SYNE2: variants seen among roughly 807,000 people sequenced by gnomAD.
The protein encoded by SYNE2 is spectrin repeat containing nuclear envelope protein 2, also known as nesprin-2.
In SYNE2, 431 loss-of-function variants were observed where a neutral mutation model predicts 856.3. The observed-to-expected ratio is 0.50, with a 90% CI of 0.47 to 0.55. The LOEUF is 0.55. Ranked by LOEUF, SYNE2 falls within the 20% of genes least tolerant of loss-of-function variation. The pLI is 0.00. For missense variants in SYNE2, 8,129 were observed against 8,023.2 expected, an observed-to-expected ratio of 1.01 and a Z score of -0.50; for synonymous variants, 2,923 against 2,872.3, an observed-to-expected ratio of 1.02 and a Z score of -0.56.
chr14:63,993,767 AG>A, intron 21 of SYNE2, 67 bp from the exon 22 acceptor site: 1 of 1,428,368 alleles, frequency 7.0e-7, no homozygotes. Context: ...ATTAGCTTAG[AG>A]GATTTTGAGG....
upstream of SYNE2, among the ~76,000 whole-genome samples, chr14:63,851,762 C>G (rs543472387): frequency 6.6e-6 from 1 of 151,974 alleles, no homozygotes; most frequent in South Asian, 2.1e-4. Context: ...TCTGTAGCCA[C>G]AGACATATAT....
intron 43 of SYNE2, among the ~76,000 whole-genome samples, chr14:64,029,496 T>C (rs2097013843): frequency 6.6e-6 from 1 of 152,210 alleles, no homozygotes; most frequent in Non-Finnish European, 1.5e-5. Context: ...TGATCTCATA[T>C]GGTCTCATTT....
intron 1 of SYNE2, among the ~76,000 whole-genome samples, chr14:63,882,250 C>A (rs2094881898): frequency 6.6e-6 from 1 of 152,052 alleles, no homozygotes; most frequent in Admixed American, 6.6e-5. Flanking sequence ...AATTGGTGAG[C>A]AGCTAAAATT....
intron 6 of SYNE2, among the ~76,000 whole-genome samples, chr14:63,943,652 T>A (rs990301730): frequency 5.7e-4 from 81 of 142,972 alleles, no homozygotes; most frequent in African/African-American, 1.9e-3. Context: ...TTATTTATTT[T>A]TATTTTTTTA....
At chr14:63,917,117 T>G (rs1313906636) in intron 2 of SYNE2, among the ~76,000 whole-genome samples, 1 of 152,092 alleles carries the variant, frequency 6.6e-6, no homozygotes, top group South Asian at 2.1e-4. Flanking sequence ...AATTTTTTAA[T>G]AAAGGCTTCT....
chr14:63,853,937 A>T (rs1891090928), intron 1 of SYNE2, among the ~76,000 whole-genome samples: 1 of 152,148 alleles, frequency 6.6e-6, no homozygotes, highest in East Asian at 1.9e-4. Context: ...GGGGCTGTGT[A>T]TGGAATCAGT....
At chr14:64,042,115 C>G (rs1318799051) in intron 45 of SYNE2, among the ~76,000 whole-genome samples, 3 of 152,088 alleles carry the variant, frequency 2.0e-5, no homozygotes, top group Non-Finnish European at 4.4e-5. Flanking sequence ...AGTAGTCTAA[C>G]AGATGAAAAA....
At chr14:63,818,180 C>T (rs752843343) in intron 1 of SYNE2, among the ~76,000 whole-genome samples, 6 of 151,422 alleles carry the variant, frequency 4.0e-5, no homozygotes, top group Admixed American at 6.6e-5. Context: ...ACTAAAAATA[C>T]AAAAATTAGC....
At chr14:64,162,350 G>GTGGTCTGTCTGGTCCCCA in intron 88 of SYNE2, 74 bp downstream of exon 88, 1 of 1,479,714 alleles carries the variant, frequency 6.8e-7, no homozygotes, top group Non-Finnish European at 9.4e-7. Context: ...GCCATGACCT[G>GTGGTCTGTCTGGTCCCCA]GGGACCAGAC....
chr14:64,219,457 G>A, intron 110 of SYNE2, 47 bp downstream of exon 110: 2 of 1,582,648 alleles, frequency 1.3e-6, no homozygotes, highest in Non-Finnish European at 1.7e-6. Flanking sequence ...ATGTGCATGT[G>A]AACGCATTGC....
intron 19 of SYNE2, 152 bp downstream of exon 19, chr14:63,986,769 C>T (rs939026382): frequency 7.0e-5 from 61 of 872,900 alleles, no homozygotes; most frequent in Non-Finnish European, 8.8e-5. Flanking sequence ...ATCCCTGGAT[C>T]ATTTGCTGTT....
intron 11 of SYNE2, among the ~76,000 whole-genome samples, chr14:63,969,636 C>CT (rs113148292): frequency 4.1e-4 from 63 of 151,868 alleles, no homozygotes; most frequent in African/African-American, 1.3e-3. Context: ...CCACTGTGCC[C>CT]GGCCCTTATT....
chr14:64,217,653 A>T (rs1437987854), intron 108 of SYNE2, among the ~76,000 whole-genome samples: 1 of 152,128 alleles, frequency 6.6e-6, no homozygotes, highest in Non-Finnish European at 1.5e-5. Context: ...CCTTCCTGTG[A>T]TGACGCCTGT....
At chr14:63,895,825 C>T (rs1317749706) in intron 1 of SYNE2, among the ~76,000 whole-genome samples, 2 of 145,868 alleles carry the variant, frequency 1.4e-5, no homozygotes, top group Non-Finnish European at 3.0e-5. Flanking sequence ...TTTGTAATTT[C>T]ATTACAAAAT....
chr14:63,890,053 C>CTTTTTTTT (rs71123813), intron 1 of SYNE2, among the ~76,000 whole-genome samples: 2 of 95,050 alleles, frequency 2.1e-5, no homozygotes, highest in Admixed American at 1.2e-4. Context: ...TTCTTTCTTT[C>CTTTTTTTT]TTTTTTTTTT....
chr14:63,962,370 G>C (rs1426123271), intron 9 of SYNE2, among the ~76,000 whole-genome samples: 8 of 151,790 alleles, frequency 5.3e-5, no homozygotes. Flanking sequence ...AAATTTTTTT[G>C]TATTATAATA....
At chr14:63,912,354 A>G (rs1366277288) in intron 2 of SYNE2, among the ~76,000 whole-genome samples, 2 of 152,154 alleles carry the variant, frequency 1.3e-5, no homozygotes, top group East Asian at 3.8e-4. Context: ...TGAGAAAAAA[A>G]AAAGATGGAC....
chr14:64,172,810 G>A (rs2098417183), intron 94 of SYNE2, among the ~76,000 whole-genome samples: 1 of 151,904 alleles, frequency 6.6e-6, no homozygotes, highest in South Asian at 2.1e-4. Context: ...GTGCACGCCT[G>A]TACTCCCAGC....
intron 96 of SYNE2, among the ~76,000 whole-genome samples, chr14:64,184,467 A>G (rs1048206564): frequency 6.6e-6 from 1 of 152,118 alleles, no homozygotes; most frequent in African/African-American, 2.4e-5. Flanking sequence ...CCGATTGTCA[A>G]TATTGTAAGT....
Sources: allele counts gnomAD v4.1 joint callset (sites outside exome capture counted in the v4.1 genomes callset), GRCh38; gene constraint gnomAD v4.1.1; transcripts MANE v1.5; gene names NCBI Gene and HGNC (gene_info 2026-07-23, HGNC 2026-07-21).